The following TTC34 variants were observed in gnomAD, a reference collection of about 807,000 sequenced individuals.
The protein encoded by TTC34 is tetratricopeptide repeat domain 34.
A neutral mutation model predicts 40.7 loss-of-function variants in TTC34; 44 were observed. That is an observed-to-expected ratio of 1.08 (90% CI 0.85 to 1.39). TTC34 has a LOEUF of 1.39. TTC34 is among the 40% of genes most tolerant of loss of function. The pLI is 0.00. For synonymous variants in TTC34, 422 were observed against 398.6 expected (o/e 1.06, Z -0.70); for missense variants, 884 against 838.0 (o/e 1.05, Z -0.68).
intron 2 of TTC34, among the ~76,000 whole-genome samples, chr1:2,793,878 C>T (rs1643687210): frequency 6.6e-6 from 1 of 152,156 alleles, no homozygotes; most frequent in Non-Finnish European, 1.5e-5. Flanking sequence ...TCTTCCTTCT[C>T]CATCTTCTGC....
At chr1:2,644,147 T>A in intron 8 of TTC34, 117 bp downstream of exon 8, 1 of 1,142,886 alleles carries the variant, frequency 8.7e-7, no homozygotes, top group Non-Finnish European at 1.2e-6. Context: ...CAAACCTAAC[T>A]GAAATCAACC....
At chr1:2,773,104 G>A (rs1222209283) in intron 6 of TTC34, among the ~76,000 whole-genome samples, 2 of 134,170 alleles carry the variant, frequency 1.5e-5, no homozygotes, top group Admixed American at 7.5e-5. Context: ...ACACCCCCAG[G>A]CGAGCATCTG....
intron 6 of TTC34, among the ~76,000 whole-genome samples, chr1:2,782,511 T>TCG (rs1643501305): frequency 6.7e-6 from 1 of 150,008 alleles, no homozygotes; most frequent in African/African-American, 2.5e-5. Context: ...AATCTTTTTC[T>TCG]CTCTCTCTTT....
chr1:2,647,889 C>T (rs985862502), intron 6 of TTC34, among the ~76,000 whole-genome samples: 1 of 152,076 alleles, frequency 6.6e-6, no homozygotes, highest in Admixed American at 6.6e-5. Context: ...TTGGTCTATA[C>T]TTGAGTTCAC....
chr1:2,644,273 G>A, exon 8 of TTC34: 1 of 1,534,106 alleles, frequency 6.5e-7, no homozygotes, highest in East Asian at 2.4e-5. Flanking sequence ...CCTGGGCAAG[G>A]CTCTGCCGCT....
At chr1:2,769,707 C>T (rs1641989882) in intron 6 of TTC34, among the ~76,000 whole-genome samples, 3 of 65,580 alleles carry the variant, frequency 4.6e-5, no homozygotes, top group Admixed American at 1.6e-4. Flanking sequence ...GAGCAGCACC[C>T]ACACCCCCAG....
intron 6 of TTC34, among the ~76,000 whole-genome samples, chr1:2,749,504 G>T (rs1315784703): frequency 1.6e-4 from 11 of 67,452 alleles, no homozygotes; most frequent in African/African-American, 6.7e-4. Flanking sequence ...GCATTGGACA[G>T]CCTGGAGCAG....
chr1:2,700,108 C>T (rs1316328090), intron 6 of TTC34, among the ~76,000 whole-genome samples: 6 of 117,226 alleles, frequency 5.1e-5, no homozygotes, highest in South Asian at 2.6e-4. Flanking sequence ...GGTGAGCATC[C>T]GAGAGCCTGG....
chr1:2,684,998 C>A lies in TTC34; in HGVS notation c.2227-39435G>T, dbSNP rs572599672. 4.8e-5 allele frequency among the ~76,000 whole-genome samples: 7 copies of A among 145,828 alleles called. 1 individual carries two copies. Among genetic ancestry groups the A allele is most frequent in the African/African-American group, 1.6e-4 (6 of 37,138 alleles). ...TGACAGCTTAGAACAGCACCCATAC[C>A]CCCAGGCGAGCATCTGACAGCATGT... is the stretch of plus-strand genomic sequence containing the variant. On this transcript the variant is annotated intron_variant, in intron 6 of 8. Transcript: ENST00000401095.
chr1:2,754,403 GA>G (rs1641430215), intron 6 of TTC34, among the ~76,000 whole-genome samples: 1 of 56,598 alleles, frequency 1.8e-5, no homozygotes, highest in Non-Finnish European at 2.9e-5. Context: ...TGACAGCCTG[GA>G]ACAGCACCCT....
At chr1:2,677,917 G>C (rs1378589439) in intron 6 of TTC34, among the ~76,000 whole-genome samples, 2 of 40,686 alleles carry the variant, frequency 4.9e-5, no homozygotes, top group Non-Finnish European at 4.2e-5. Flanking sequence ...TGACAGCCTG[G>C]AGCAGCACCC....
At chr1:2,800,597 C>G (rs1056175317) in exon 2 of TTC34, 2 of 398,434 alleles carry the variant, frequency 5.0e-6, no homozygotes, top group South Asian at 1.3e-4. Context: ...CCATGCCGTC[C>G]CAGTGGATGG....
intron 6 of TTC34, among the ~76,000 whole-genome samples, chr1:2,772,976 A>T (rs1642507412): frequency 7.3e-6 from 1 of 137,004 alleles, no homozygotes; most frequent in Admixed American, 7.7e-5. Flanking sequence ...CAGCATGCAC[A>T]CCCCCAGGCG....
At chr1:2,695,616 G>C (rs74217947) in intron 6 of TTC34, among the ~76,000 whole-genome samples, 1 of 71,110 alleles carries the variant, frequency 1.4e-5, no homozygotes. Flanking sequence ...GCATCTGACA[G>C]CCTGAAGCAG....
intron 6 of TTC34, among the ~76,000 whole-genome samples, chr1:2,772,958 G>A (rs1200805254): frequency 7.3e-4 from 86 of 118,088 alleles, no homozygotes; most frequent in Admixed American, 2.0e-3. Context: ...GCATCTGACA[G>A]CCTGGAGCAG....
chr1:2,699,149 T>TGGAGC (rs1641009371), intron 6 of TTC34, among the ~76,000 whole-genome samples: 2 of 43,938 alleles, frequency 4.6e-5, no homozygotes, highest in Non-Finnish European at 9.6e-5. Flanking sequence ...TAGCATCTGA[T>TGGAGC]AGTGTGGAGC....
chr1:2,642,016 G>A, intron 8 of TTC34, 121 bp from the exon 9 acceptor site: 1 of 1,130,352 alleles, frequency 8.8e-7, no homozygotes. Flanking sequence ...GGATGGCGGG[G>A]CCCTGGGCTG....
At chr1:2,648,561 T>C (rs1156512926) in intron 6 of TTC34, among the ~76,000 whole-genome samples, 1 of 151,860 alleles carries the variant, frequency 6.6e-6, no homozygotes, top group Non-Finnish European at 1.5e-5. Flanking sequence ...TATACAGCTG[T>C]CAGGAGCCTG....
At chr1:2,752,207 C>T (rs1339069759) in intron 6 of TTC34, among the ~76,000 whole-genome samples, 1 of 117,848 alleles carries the variant, frequency 8.5e-6, no homozygotes, top group Non-Finnish European at 1.7e-5. Context: ...ACAGAACCCA[C>T]ACCCCCAGGT....
Sources: allele counts gnomAD v4.1 joint callset (sites outside exome capture counted in the v4.1 genomes callset), GRCh38; gene constraint gnomAD v4.1.1; transcripts MANE v1.5; gene names NCBI Gene and HGNC (gene_info 2026-07-23, HGNC 2026-07-21).